The following SYT14 variants were observed in gnomAD, a reference collection of about 807,000 sequenced individuals.
The protein encoded by SYT14 is synaptotagmin-14.
SYT14 carries 32 observed loss-of-function variants against 74.2 expected under a neutral mutation model. That is an observed-to-expected ratio of 0.43 (90% confidence interval 0.33 to 0.58). The LOEUF (loss-of-function observed/expected upper bound fraction) is 0.58. Among genes scored for constraint, SYT14 ranks in the 20% least tolerant of loss-of-function variants. The pLI is 0.05. For missense variants in SYT14, 791 were observed against 981.8 expected (o/e 0.81, Z 2.60); for synonymous variants, 298 against 337.7 (o/e 0.88, Z 1.29).
intron 3 of SYT14, among the ~76,000 whole-genome samples, chr1:210,015,018 A>G (rs2080155394): frequency 6.6e-6 from 1 of 151,080 alleles, no homozygotes; most frequent in African/African-American, 2.4e-5. Flanking sequence ...ATTTAAAAAT[A>G]TTATTAATTT....
At chr1:209,957,895 C>T (rs1553257824) in intron 2 of SYT14, among the ~76,000 whole-genome samples, 1 of 151,984 alleles carries the variant, frequency 6.6e-6, no homozygotes, top group Non-Finnish European at 1.5e-5. Flanking sequence ...TTAATTTAGT[C>T]TAACTTCTTA....
intron 2 of SYT14, among the ~76,000 whole-genome samples, chr1:210,001,084 C>T (rs1317169178): frequency 6.6e-6 from 1 of 152,122 alleles, no homozygotes; most frequent in East Asian, 1.9e-4. Context: ...TCCAGGGCAT[C>T]CTAAAACCTC....
chr1:210,147,602 C>T (rs533974452), intron 7 of SYT14, among the ~76,000 whole-genome samples: 1 of 152,256 alleles, frequency 6.6e-6, no homozygotes, highest in African/African-American at 2.4e-5. Context: ...AGACATTGTT[C>T]TAAGTATTCA....
chr1:210,021,148 A>T, exon 5 of SYT14: 1 of 1,614,058 alleles, frequency 6.2e-7, no homozygotes, highest in Non-Finnish European at 8.5e-7. Context: ...CCAGACTACC[A>T]CTGGCAGATT....
At chr1:209,938,354 C>G in intron 1 of SYT14, 77 bp downstream of exon 1, 1 of 1,445,938 alleles carries the variant, frequency 6.9e-7, no homozygotes, top group Non-Finnish European at 9.3e-7. Context: ...CGCCGGCAGG[C>G]CGAGGCGCTG....
At chr1:210,126,350 A>G (rs2082570477) in intron 7 of SYT14, among the ~76,000 whole-genome samples, 1 of 152,086 alleles carries the variant, frequency 6.6e-6, no homozygotes, top group Non-Finnish European at 1.5e-5. Flanking sequence ...TGGCCAAAAA[A>G]AAAAAAATGC....
rs1450114470 is a variant in SYT14 at position 210,052,670 on chromosome 1, A to G, written c.1312+31416A>G. On this transcript the variant is annotated intron_variant, in intron 5 of 9. Coordinates refer to ENST00000637265, the Ensembl canonical transcript of SYT14. ...AGAGCGAAACTACATCTCACCAAAA[A>G]AAAAAAAAAAAAAAGCTCTCCAAGC... is the stretch of plus-strand genomic sequence containing the variant. 2.0e-5 allele frequency among the ~76,000 whole-genome samples: 3 copies of G among 148,148 alleles called. No homozygotes were observed. The East Asian group carries it at 5.9e-4, about 29-fold the overall frequency.
At chr1:210,032,237 T>TTTCATACC (rs2080554222) in intron 5 of SYT14, among the ~76,000 whole-genome samples, 1 of 152,128 alleles carries the variant, frequency 6.6e-6, no homozygotes, top group East Asian at 1.9e-4. Flanking sequence ...ATGGTATCAA[T>TTTCATACC]GCAGTTGAAT....
At chr1:210,014,330 A>G (rs2080142881) in intron 3 of SYT14, among the ~76,000 whole-genome samples, 1 of 151,772 alleles carries the variant, frequency 6.6e-6, no homozygotes, top group African/African-American at 2.4e-5. Flanking sequence ...CTCCCTTGGC[A>G]CCATATATTA....
intron 5 of SYT14, among the ~76,000 whole-genome samples, chr1:210,050,740 C>T (rs1226581578): frequency 2.0e-5 from 3 of 152,164 alleles, no homozygotes; most frequent in Non-Finnish European, 2.9e-5. Context: ...AGGGAAACTC[C>T]CCTTCTAAAA....
chr1:210,100,009 T>G lies in SYT14; in HGVS notation c.1585-3T>G. On this transcript the variant is annotated splice_polypyrimidine_tract_variant and splice_region_variant and intron_variant, in intron 6 of 9. Coordinates refer to ENST00000637265, the Ensembl canonical transcript of SYT14. Reference sequence around the variant, plus strand: ...CTCTAACATTTAAATTTTCTTTTCTTAGGATATGTCAGCTCAAGGATCATC... The same window carrying G: ...CTCTAACATTTAAATTTTCTTTTCTGAGGATATGTCAGCTCAAGGATCATC... 6.2e-7 allele frequency: 1 copy of G among 1,613,526 alleles called. No homozygotes were observed. The highest frequency in any genetic ancestry group is 8.5e-7 in the Non-Finnish European group (1 of 1,179,762).
intron 2 of SYT14, among the ~76,000 whole-genome samples, chr1:209,958,892 A>G (rs2079032260): frequency 6.6e-6 from 1 of 152,208 alleles, no homozygotes; most frequent in African/African-American, 2.4e-5. Flanking sequence ...TTGACTAAGC[A>G]TGATCTTATA....
At chr1:210,001,901 G>T (rs1275773433) in intron 2 of SYT14, among the ~76,000 whole-genome samples, 1 of 152,176 alleles carries the variant, frequency 6.6e-6, no homozygotes, top group Non-Finnish European at 1.5e-5. Context: ...GGTAGGAAAT[G>T]AGGTCAGAGT....
At chr1:210,002,603 C>T (rs933804159) in intron 2 of SYT14, among the ~76,000 whole-genome samples, 7 of 151,914 alleles carry the variant, frequency 4.6e-5, no homozygotes, top group Admixed American at 6.6e-5. Context: ...CACTTCCTAA[C>T]GAATACTTCA....
At chr1:210,012,658 G>A (rs2080107350) in intron 2 of SYT14, among the ~76,000 whole-genome samples, 1 of 151,656 alleles carries the variant, frequency 6.6e-6, no homozygotes, top group African/African-American at 2.4e-5. Flanking sequence ...CATAAATTTT[G>A]TTAAGTAATA....
intron 7 of SYT14, among the ~76,000 whole-genome samples, chr1:210,136,697 G>A (rs1049340122): frequency 3.3e-5 from 5 of 152,124 alleles, no homozygotes; most frequent in African/African-American, 4.8e-5. Flanking sequence ...AGAAAAAAGA[G>A]GTGTAGTTAG....
At chr1:210,164,109 TAAAG>T in exon 10 of SYT14, 1 of 450,828 alleles carries the variant, frequency 2.2e-6, no homozygotes, top group South Asian at 1.6e-5. Flanking sequence ...GTCAAATCAG[TAAAG>T]AATTTGTTTA....
At chr1:210,136,251 T>C (rs1447513386) in intron 7 of SYT14, among the ~76,000 whole-genome samples, 1 of 151,910 alleles carries the variant, frequency 6.6e-6, no homozygotes, top group Non-Finnish European at 1.5e-5. Flanking sequence ...TTTCCACATA[T>C]TGAGAGGTGT....
chr1:209,970,562 A>T (rs2079233411), intron 2 of SYT14, among the ~76,000 whole-genome samples: 1 of 150,012 alleles, frequency 6.7e-6, no homozygotes, highest in Non-Finnish European at 1.5e-5. Context: ...TTTTGGTTCC[A>T]TATGAATTTT....
Sources: gnomAD v4.1 joint callset for allele counts (sites outside exome capture counted in the v4.1 genomes callset) on GRCh38, gnomAD v4.1.1 for gene constraint, MANE v1.5 for transcripts, NCBI Gene and HGNC (gene_info 2026-07-23, HGNC 2026-07-21) for gene names.